Variants in ADARB2 observed in about 807,000 individuals in gnomAD.
ADARB2 encodes adenosine deaminase RNA specific B2 (inactive).
In ADARB2, 25 loss-of-function variants were observed where a neutral mutation model predicts 62.2. The ratio of observed to expected loss-of-function variants is 0.40; its 90% CI spans 0.29 to 0.56. The LOEUF (loss-of-function observed/expected upper bound fraction) is 0.56, where lower values mean the gene tolerates loss of function less well. ADARB2 is among the 20% of genes least tolerant of loss of function. ADARB2 has a pLI of 0.43. For missense variants in ADARB2, 1,071 were observed against 1,077.4 expected (o/e 0.99, Z 0.08); for synonymous variants, 572 against 500.8 (o/e 1.14, Z -1.90).
At chr10:1,257,854 T>A (rs1831093957) in intron 4 of ADARB2, among the ~76,000 whole-genome samples, 1 of 152,122 alleles carries the variant, frequency 6.6e-6, no homozygotes, top group African/African-American at 2.4e-5. Context: ...AAAATTTAAA[T>A]ATGGGGTCTA....
chr10:1,206,782 G>A (rs373241286), intron 7 of ADARB2, among the ~76,000 whole-genome samples: 5 of 152,252 alleles, frequency 3.3e-5, no homozygotes, highest in African/African-American at 4.8e-5. Context: ...CACTCAGCCC[G>A]GCCTCGTGTT....
intron 4 of ADARB2, among the ~76,000 whole-genome samples, chr10:1,247,813 A>T (rs1319579439): frequency 1.3e-5 from 2 of 152,118 alleles, no homozygotes; most frequent in African/African-American, 4.8e-5. Flanking sequence ...ATGGGGAGAA[A>T]TGGGGTCCTT....
chr10:1,569,158 C>G (rs1832902385), intron 1 of ADARB2, among the ~76,000 whole-genome samples: 1 of 150,268 alleles, frequency 6.7e-6, no homozygotes, highest in Non-Finnish European at 1.5e-5. Flanking sequence ...CAGAGAGAGA[C>G]AGAGATATAT....
At chr10:1,411,722 C>T (rs555626451) in intron 1 of ADARB2, among the ~76,000 whole-genome samples, 4 of 152,102 alleles carry the variant, frequency 2.6e-5, no homozygotes, top group East Asian at 1.9e-4. Flanking sequence ...TCGAACCATC[C>T]GTGCAAGGCC....
intron 1 of ADARB2, among the ~76,000 whole-genome samples, chr10:1,449,807 A>T (rs1009320474): frequency 4.6e-5 from 7 of 152,228 alleles, no homozygotes; most frequent in Non-Finnish European, 1.5e-5. Flanking sequence ...TCAATGGCTA[A>T]ATTAAGGACT....
chr10:1,545,748 G>T (rs990141889), intron 1 of ADARB2, among the ~76,000 whole-genome samples: 3 of 152,180 alleles, frequency 2.0e-5, no homozygotes, highest in African/African-American at 7.2e-5. Flanking sequence ...AAGCCCCAAG[G>T]TCAGCAGAGG....
chr10:1,733,325 T>C (rs1475947961), intron 1 of ADARB2, among the ~76,000 whole-genome samples: 2 of 152,220 alleles, frequency 1.3e-5, no homozygotes, highest in African/African-American at 2.4e-5. Flanking sequence ...ACTTCAGTCA[T>C]TTTACACATT....
intron 3 of ADARB2, among the ~76,000 whole-genome samples, chr10:1,285,779 C>G (rs368949043): frequency 4.0e-4 from 61 of 152,258 alleles, no homozygotes; most frequent in African/African-American, 1.3e-3. Context: ...TACTCATTTC[C>G]AACACTAATA....
chr10:1,500,997 C>A (rs1831762088), intron 1 of ADARB2, among the ~76,000 whole-genome samples: 1 of 152,206 alleles, frequency 6.6e-6, no homozygotes, highest in African/African-American at 2.4e-5. Flanking sequence ...GCCTTAGCCT[C>A]CCAAGTAGAT....
At chr10:1,629,884 G>A (rs1347403950) in intron 1 of ADARB2, among the ~76,000 whole-genome samples, 2 of 152,106 alleles carry the variant, frequency 1.3e-5, no homozygotes, top group African/African-American at 4.8e-5. Flanking sequence ...AAGACAGGGA[G>A]CGAGACACAG....
In ADARB2 at chr10:1,327,831, A is replaced by T. The variant is rs868591431; in HGVS notation, c.1077+35197T>A. ...GTTCAGCATCTCCTCACAGCTCAGC[A>T]CCTCACAGCTCAGTGCCTCCTCACA... On this transcript the variant is annotated intron_variant, in intron 3 of 9. Transcript: ENST00000381312. Among the ~76,000 whole-genome samples the T allele has an allele frequency of 2.3e-4, 10 of 44,386 alleles. 2 individuals are homozygous for T. The highest frequency in any genetic ancestry group is 6.2e-4 in the South Asian group (1 of 1,614). The allele number at this position is 44,386 out of a possible 152,430, so 29.1% of individuals were successfully genotyped here. A position where few individuals can be genotyped will look rare whatever the true frequency, so the allele number is the denominator to read the frequency against.
intron 1 of ADARB2, among the ~76,000 whole-genome samples, chr10:1,708,224 G>A (rs1186122207): frequency 1.3e-5 from 2 of 152,102 alleles, no homozygotes; most frequent in Admixed American, 6.5e-5. Flanking sequence ...GAAGATTATA[G>A]GAACTCAGGG....
chr10:1,526,975 C>T, intron 1 of ADARB2: 1 of 328,570 alleles, frequency 3.0e-6, no homozygotes. Context: ...GAGAAAATAA[C>T]TTATTTGTGC....
chr10:1,648,402 C>A (rs937098316), intron 1 of ADARB2, among the ~76,000 whole-genome samples: 2 of 152,244 alleles, frequency 1.3e-5, no homozygotes, highest in South Asian at 4.2e-4. Flanking sequence ...CCCCAGGACC[C>A]TTCATAAACG....
At position 1,702,728 on chromosome 10, in the gene ADARB2, A is replaced by C. The variant is rs1047211858; in HGVS notation, c.100+34323T>G. 2.6e-5 allele frequency among the ~76,000 whole-genome samples: 4 copies of C among 152,182 alleles called. No individual in the cohort carries two copies. In the East Asian group the frequency reaches 7.7e-4, roughly 29 times the overall value. ...CTCTGGGCCCCACATTTGAGAATGA[A>C]TGCCTCACTGGCAGTGCTCTCGCTG... On this transcript the variant is annotated intron_variant, in intron 1 of 9. Coordinates refer to ENST00000381312, the MANE Select transcript of ADARB2 (RefSeq NM_018702.4).
At chr10:1,584,803 G>A (rs968931389) in intron 1 of ADARB2, among the ~76,000 whole-genome samples, 5 of 152,154 alleles carry the variant, frequency 3.3e-5, no homozygotes, top group Middle Eastern at 3.2e-3. Flanking sequence ...AAAAAGACAC[G>A]GGGGAAATGT....
intron 1 of ADARB2, among the ~76,000 whole-genome samples, chr10:1,604,977 C>A (rs1833477357): frequency 6.6e-6 from 1 of 152,208 alleles, no homozygotes; most frequent in Non-Finnish European, 1.5e-5. Context: ...CTCTTATGGT[C>A]AGAGAACTCA....
chr10:1,306,755 C>T, intron 3 of ADARB2, among the ~76,000 whole-genome samples: 1 of 146,066 alleles, frequency 6.8e-6, no homozygotes, highest in East Asian at 2.1e-4. Flanking sequence ...TGGAACAGAA[C>T]AGAGCCGTCA....
Position 1,704,616 on chromosome 10 carries a change from T to C in ADARB2, c.100+32435A>G, listed in dbSNP as rs1375303439. ...CTAACAGGTCCTGGACCAGTACCAG[T>C]CCTTGGCCCGGGGGCTGGAGACGTC... On this transcript the variant is annotated intron_variant, in intron 1 of 9. Transcript: ENST00000381312. The surrounding 1 kb of genome is among the most constrained non-coding windows in gnomAD (Gnocchi z 5.6). Among the ~76,000 whole-genome samples the C allele has an allele frequency of 3.9e-5, 6 of 152,186 alleles. No homozygotes were observed. Among genetic ancestry groups the C allele is most frequent in the Admixed American group, 3.3e-4 (5 of 15,280 alleles).
Sources: gnomAD v4.1 joint callset for allele counts (sites outside exome capture counted in the v4.1 genomes callset) on GRCh38, gnomAD v4.1.1 for gene constraint, Gnocchi (gnomAD v3.1) non-coding constraint, MANE v1.5 for transcripts, NCBI Gene and HGNC (gene_info 2026-07-23, HGNC 2026-07-21) for gene names.